WDFY4: variants seen among roughly 807,000 people sequenced by gnomAD.
WDFY4 encodes WD repeat- and FYVE domain-containing protein 4.
A neutral mutation model predicts 351.9 loss-of-function variants in WDFY4; 169 were observed. That is an observed-to-expected ratio of 0.48 (90% CI 0.42 to 0.55). The LOEUF is 0.55. Among genes scored for constraint, WDFY4 ranks in the 20% least tolerant of loss-of-function variants. The pLI is 0.00. For synonymous variants in WDFY4, 1,622 were observed against 1,574.6 expected (o/e 1.03, Z -0.71); for missense variants, 3,803 against 3,935.6 (o/e 0.97, Z 0.90).
intron 7 of WDFY4, 110 bp from the exon 8 acceptor site, chr10:48,729,322 C>T (rs57432853): frequency 2.1e-5 from 31 of 1,463,674 alleles, no homozygotes; most frequent in East Asian, 2.5e-5. Flanking sequence ...CCTGTGGGGT[C>T]TTCCCCAGCT....
rs988301393 is a variant in WDFY4, at chr10:48,814,502, G to T, written c.5340+420G>T. Among the ~76,000 whole-genome samples, 20 of 152,218 alleles carry T rather than the reference G, an allele frequency of 1.3e-4. 1 individual carries two copies. The highest frequency in any genetic ancestry group is 5.2e-4 in the Admixed American group (8 of 15,276). ...GGCAGGGCATGGAGTCTTCGGGAGT[G>T]AGAAGCCTTTAATTTGAGCCTTCAA... On this transcript the variant is annotated intron_variant, in intron 31 of 61. Coordinates refer to ENST00000325239, the MANE Select transcript of WDFY4 (RefSeq NM_001394531.1).
intron 39 of WDFY4, among the ~76,000 whole-genome samples, chr10:48,858,334 A>G (rs1383209841): frequency 6.6e-6 from 1 of 152,184 alleles, no homozygotes; most frequent in African/African-American, 2.4e-5. Context: ...TTTTCCTAAA[A>G]TATGTATAGT....
rs1373963072 is a variant in WDFY4, at chr10:48,806,005, A to G, written c.4648A>G (p.Ile1550Val). Residue 1550 changes from isoleucine (I) to valine (V), a missense_variant and splice_region_variant, in exon 27 of 62, where the codon ATT (isoleucine) becomes GTT (valine). By Grantham distance (29) the Ile-to-Val change is conservative (BLOSUM62 3). This residue lies in a region of WDFY4 where 3,054 missense variants were observed against 3,148.6 expected (regional missense o/e 0.97). Coordinates refer to ENST00000325239, the MANE Select transcript of WDFY4 (RefSeq NM_001394531.1). ...GTCCTTCTCTCCCTGTGTATAAAGG[A>G]TTGGGCTGTTTGTTGTGTACACCCT... ...GHFSTQDLLRIGLFVVYTLKP... is the reference protein window; with the variant it reads ...GHFSTQDLLRVGLFVVYTLKP... The G allele has an allele frequency of 2.6e-6, 4 of 1,551,686 alleles. No homozygotes were observed. The highest frequency in any genetic ancestry group is 3.5e-6 in the Non-Finnish European group (4 of 1,146,974).
At chr10:48,689,755 C>T (rs116333420) in intron 1 of WDFY4, among the ~76,000 whole-genome samples, 88 of 152,212 alleles carry the variant, frequency 5.8e-4, no homozygotes, top group African/African-American at 2.0e-3. Flanking sequence ...GCCACTTGAA[C>T]CAAATAATTC....
chr10:48,712,047 C>T (rs769309147), intron 2 of WDFY4, among the ~76,000 whole-genome samples: 8 of 152,130 alleles, frequency 5.3e-5, no homozygotes, highest in Non-Finnish European at 1.2e-4. Flanking sequence ...TATAAGTGAA[C>T]CTTGATACTG....
intron 11 of WDFY4, among the ~76,000 whole-genome samples, chr10:48,736,925 G>T (rs1199290726): frequency 6.6e-6 from 1 of 152,236 alleles, no homozygotes; most frequent in Non-Finnish European, 1.5e-5. Flanking sequence ...GGGCAACAGA[G>T]ATATAAGTGT....
chr10:48,808,308 G>A (rs375305076), intron 28 of WDFY4, among the ~76,000 whole-genome samples: 12 of 152,332 alleles, frequency 7.9e-5, no homozygotes, highest in Middle Eastern at 3.4e-3. Flanking sequence ...TGAAGAAATC[G>A]TGAGCCTAAA....
In WDFY4 at chr10:48,903,479, A is replaced by G. The variant is rs543237675; in HGVS notation, c.7586+1616A>G. ...GTGAGAGATGATGGTGGCTTGGATCAGGAACATGAAAGCAAAGATAATATG... is the reference window on the plus strand; with the variant it reads ...GTGAGAGATGATGGTGGCTTGGATCGGGAACATGAAAGCAAAGATAATATG... On this transcript the variant is annotated intron_variant, in intron 47 of 61. Coordinates refer to ENST00000325239, the MANE Select transcript of WDFY4 (RefSeq NM_001394531.1). Among the ~76,000 whole-genome samples the G allele has an allele frequency of 4.6e-5, 7 of 152,364 alleles. No individual in the cohort carries two copies. The South Asian group carries it at 1.4e-3, about 32-fold the overall frequency.
At position 48,879,677 on chromosome 10, in the gene WDFY4, T is replaced by A. The variant is rs1275318981; in HGVS notation, c.7167+2478T>A. 2.0e-5 allele frequency among the ~76,000 whole-genome samples: 3 copies of A among 152,232 alleles called. No individual in the cohort carries two copies. In the East Asian group the frequency reaches 5.8e-4, roughly 29 times the overall value. ...TCTTTCCAGAGCCTCTGAGAAGGCA[T>A]CCTTTCCAAGCTCGTTCCAGTGCTG... On this transcript the variant is annotated intron_variant, in intron 43 of 61. Coordinates refer to ENST00000325239, the MANE Select transcript of WDFY4 (RefSeq NM_001394531.1).
At chr10:48,736,209 G>T in intron 11 of WDFY4, 139 bp downstream of exon 11, 1 of 934,178 alleles carries the variant, frequency 1.1e-6, no homozygotes, top group Non-Finnish European at 1.7e-6. Flanking sequence ...GGTAGCGTCA[G>T]GTGCTGTAAC....
At chr10:48,720,261 C>T in intron 3 of WDFY4, 136 bp downstream of exon 3, 1 of 887,632 alleles carries the variant, frequency 1.1e-6, no homozygotes, top group Non-Finnish European at 1.7e-6. Flanking sequence ...AGGCCCCACT[C>T]TGCCACTGAG....
intron 13 of WDFY4, among the ~76,000 whole-genome samples, chr10:48,774,020 C>G (rs923835485): frequency 2.0e-5 from 3 of 152,176 alleles, no homozygotes; most frequent in Non-Finnish European, 1.5e-5. Context: ...GAGGTGCAAG[C>G]CAGCATGGCC....
chr10:48,974,802 A>G, intron 57 of WDFY4, 60 bp from the exon 58 acceptor site: 1 of 1,453,666 alleles, frequency 6.9e-7, no homozygotes. Flanking sequence ...GAGGGTGAAG[A>G]ATTCCCAAAA....
At chr10:48,857,481 C>CAG (rs779465855) in intron 39 of WDFY4, among the ~76,000 whole-genome samples, 3 of 150,326 alleles carry the variant, frequency 2.0e-5, no homozygotes, top group South Asian at 4.2e-4. Context: ...AATTTCAACA[C>CAG]GGGAAAAAAA....
chr10:48,761,088 G>A (rs3860187), intron 13 of WDFY4, among the ~76,000 whole-genome samples: 34,443 of 152,100 alleles, frequency 0.23, 4,030 homozygotes, highest in African/African-American at 0.29. Context: ...TTGGAGGTCA[G>A]GGAAGCCGTC....
At position 48,795,653 on chromosome 10, in the gene WDFY4, G is replaced by C. The variant is rs193258726; in HGVS notation, c.4258-645G>C. 1.1e-3 allele frequency among the ~76,000 whole-genome samples: 171 copies of C among 151,878 alleles called. 1 individual carries two copies. Among genetic ancestry groups the C allele is most frequent in the Admixed American group, 0.011 (161 of 15,264 alleles). ...CAGGGAGAAAGGGCGGGCTGTGTTG[G>C]AGCCATTGATGGGGAATGGAGCCAT... On this transcript the variant is annotated intron_variant, in intron 23 of 61. Transcript: ENST00000325239.
At chr10:48,975,285 C>A in intron 58 of WDFY4, 1 of 608,692 alleles carries the variant, frequency 1.6e-6, no homozygotes, top group Non-Finnish European at 2.9e-6. Flanking sequence ...TTGCTGCGGG[C>A]ACCAGGGGGC....
Position 48,841,434 on chromosome 10 carries a change from C to T in WDFY4, c.6663+8725C>T, listed in dbSNP as rs185188247. Among the ~76,000 whole-genome samples the T allele has an allele frequency of 1.3e-4, 20 of 151,682 alleles. No individual in the cohort carries two copies. The East Asian group carries it at 3.9e-3, about 29-fold the overall frequency. On this transcript the variant is annotated intron_variant, in intron 39 of 61. Transcript: ENST00000325239. Reference sequence around the variant, plus strand: ...TCGGAAAAGTTTCTGTAATTCCTGCCTTAAATTCTCTAGCTGAGCTTTCCC... The same window carrying T: ...TCGGAAAAGTTTCTGTAATTCCTGCTTTAAATTCTCTAGCTGAGCTTTCCC...
chr10:48,764,304 C>T (rs1459634166), intron 13 of WDFY4, among the ~76,000 whole-genome samples: 1 of 152,222 alleles, frequency 6.6e-6, no homozygotes, highest in Non-Finnish European at 1.5e-5. Flanking sequence ...GCTCTACGAG[C>T]TGCTTTTGGA....
Sources: gnomAD v4.1 joint callset for allele counts (sites outside exome capture counted in the v4.1 genomes callset) on GRCh38, gnomAD v4.1.1 for gene constraint, gnomAD v4.1.1 regional missense constraint, MANE v1.5 for transcripts, NCBI Gene and HGNC (gene_info 2026-07-23, HGNC 2026-07-21) for gene names.